MAGEB3: variants seen among roughly 807,000 people sequenced by gnomAD.
The protein encoded by MAGEB3 is melanoma-associated antigen B3.
For missense variants in MAGEB3, 191 were observed against 262.4 expected (o/e 0.73, Z 1.88); for synonymous variants, 91 against 93.0 (o/e 0.98, Z 0.12).
In MAGEB3 at chrX:30,236,869, A is replaced by G; in HGVS notation, c.945A>G (p.Glu315=). ...ATGAAGAGGCTTTGAGAGATGAGGA[A>G]GAAAGAGTCCAAGCTGCAGCTATGC... ...FWYEEALRDE[E]ERVQAAAMLN... is the part of the protein sequence containing the mutation. Residue 315 remains glutamate (E), a synonymous_variant, in exon 5 of 5, where the codon GAA becomes GAG. Transcript: ENST00000361644. The G allele has an allele frequency of 8.3e-7, 1 of 1,211,697 alleles. No individual in the cohort carries two copies. The highest frequency in any genetic ancestry group is 1.1e-6 in the Non-Finnish European group (1 of 895,271).
At position 30,236,326 on chromosome X, in the gene MAGEB3, A is replaced by G; in HGVS notation, c.402A>G (p.Lys134=). 1.7e-6 allele frequency: 2 copies of G among 1,208,268 alleles called. No individual in the cohort carries two copies. The highest frequency in any genetic ancestry group is 2.2e-6 in the Non-Finnish European group (2 of 894,666). Residue 134 remains lysine (K), a synonymous_variant, in exon 5 of 5, where the codon AAA becomes AAG. Transcript: ENST00000361644. ...ACAAGATGAAAAAGCCCATTATGAAAGCAGATATGCTAAAAATTGTCCAAA... is the reference window on the plus strand; with the variant it reads ...ACAAGATGAAAAAGCCCATTATGAAGGCAGATATGCTAAAAATTGTCCAAA... The part of the protein sequence containing the change: ...EMYKMKKPIM[K]ADMLKIVQKS...
rs1442257910 is a variant in MAGEB3 at position 30,236,069 on chromosome X, A to G, written c.145A>G (p.Thr49Ala). 2 of 1,211,218 alleles carry G rather than the reference A, an allele frequency of 1.7e-6. No individual in the cohort carries two copies. Among genetic ancestry groups the G allele is most frequent in the Admixed American group, 2.2e-5 (1 of 46,038 alleles). Residue 49 changes from threonine to alanine, a missense_variant, in exon 5 of 5, where the codon ACT (threonine) becomes GCT (alanine). By Grantham distance (58) the Thr-to-Ala change is moderately conservative. Transcript: ENST00000361644. ...TTCATCCCCTCTTATTTTGGGGGCT[A>G]CTATCCAGAAAAAGTCTGCTGGTAG... ...SFSSPLILGA[T>A]IQKKSAGRSR...
rs202246584 is a variant in MAGEB3 at position 30,236,016 on chromosome X, C to T, written c.92C>T (p.Thr31Ile). Residue 31 changes from threonine to isoleucine, a missense_variant, in exon 5 of 5, where the codon ACT (threonine) becomes ATT (isoleucine). Thr to Ile is a moderately conservative substitution (Grantham distance 89). Transcript: ENST00000361644. ...QTQDHQGAQI[T>I]ATNKKKVSFS... ...CAGGATCACCAGGGTGCTCAGATCA[C>T]TGCAACTAACAAGAAAAAAGTATCC... is the stretch of plus-strand genomic sequence containing the variant. The T allele has an allele frequency of 1.2e-4, 143 of 1,208,932 alleles. No individual in the cohort carries two copies. Among genetic ancestry groups the T allele is most frequent in the Non-Finnish European group, 1.6e-4 (139 of 894,615 alleles).
intron 1 of MAGEB3, among the ~76,000 whole-genome samples, chrX:30,231,085 G>A (rs1427079416): frequency 2.8e-5 from 3 of 108,033 alleles, no homozygotes; most frequent in Non-Finnish European, 5.8e-5. Flanking sequence ...AGGCCGAGGC[G>A]AGTGAACTGT....
At chrX:30,231,283 G>A (rs1278027238) in intron 1 of MAGEB3, among the ~76,000 whole-genome samples, 9 of 105,703 alleles carry the variant, frequency 8.5e-5, no homozygotes, top group South Asian at 4.2e-4. Context: ...ACGCCACTGC[G>A]CTCCAGCCTG....
chrX:30,234,323 C>CCG (rs1924914880), intron 4 of MAGEB3, among the ~76,000 whole-genome samples: 1 of 110,988 alleles, frequency 9.0e-6, no homozygotes, highest in Non-Finnish European at 1.9e-5. Flanking sequence ...ACAGTGAAGT[C>CCG]TCATAGAGTT....
In MAGEB3 at chrX:30,236,837, T is replaced by G; in HGVS notation, c.913T>G (p.Phe305Val). 1 of 1,211,670 alleles carries G rather than the reference T, an allele frequency of 8.3e-7. No individual in the cohort carries two copies. The highest frequency in any genetic ancestry group is 3.0e-5 in the East Asian group (1 of 33,851). The change falls in exon 5 of 5, where the codon TTC (phenylalanine) becomes GTC (valine). Residue 305 changes from phenylalanine (F) to valine (V), a missense_variant. Coordinates refer to ENST00000361644, the MANE Select transcript of MAGEB3 (RefSeq NM_002365.5). ...TAAAACTGTCCCCAGTGCGTTCCAG[T>G]TCTGGTATGAAGAGGCTTTGAGAGA... ...VNKTVPSAFQ[F>V]WYEEALRDEE...
At chrX:30,231,689 A>AAG (rs1159614122) in intron 2 of MAGEB3, 71 bp downstream of exon 2, 6 of 96,500 alleles carry the variant, frequency 6.2e-5, no homozygotes, top group Admixed American at 2.3e-4. Context: ...AAAAAAAAAA[A>AAG]AAAAAAAAAA....
At chrX:30,230,925 C>G (rs1412645982) in intron 1 of MAGEB3, 108 bp downstream of exon 1, 1 of 111,592 alleles carries the variant, frequency 9.0e-6, no homozygotes, top group East Asian at 2.8e-4. Flanking sequence ...ACTGGCTTGC[C>G]TCTCATTTCA....
rs186187688 is a variant in MAGEB3 at position 30,235,528 on chromosome X, G to C, written c.-61-336G>C. On this transcript the variant is annotated intron_variant, in intron 4 of 4. Transcript: ENST00000361644. ...AGGTGTCAAATTTAGTGCAGCACAG[G>C]GGAGAAGACCCAGCCCTGACAGTTT... 5.5e-4 allele frequency among the ~76,000 whole-genome samples: 61 copies of C among 111,217 alleles called. No homozygotes were observed. In the East Asian group the frequency reaches 0.012, roughly 22 times the overall value.
At position 30,235,758 on chromosome X, in the gene MAGEB3, A is replaced by T. The variant is rs1001404124; in HGVS notation, c.-61-106A>T. ...CAGAACAGAAGCCCTCTGGGTTTCC[A>T]GAGCAGTGCTCTCACAGAAAACTGC... On this transcript the variant is annotated intron_variant, in intron 4 of 4. Transcript: ENST00000361644. 3 of 444,412 alleles carry T rather than the reference A, an allele frequency of 6.8e-6. No homozygotes were observed. In the South Asian group the frequency reaches 1.1e-4, roughly 17 times the overall value. The allele number at this position is 444,412 out of a possible 1,213,427, so 36.6% of individuals were successfully genotyped here. A position where few individuals can be genotyped will look rare whatever the true frequency, so the allele number is the denominator to read the frequency against.
chrX:30,230,886 C>T (rs185979703), intron 1 of MAGEB3, 69 bp downstream of exon 1: 2 of 111,612 alleles, frequency 1.8e-5, no homozygotes, highest in East Asian at 5.7e-4. Context: ...ATATTTTTAA[C>T]CCTGGAAAGC....
Position 30,236,590 on chromosome X carries a change from G to A in MAGEB3, c.666G>A (p.Lys222=), listed in dbSNP as rs775847344. Residue 222 remains lysine (K), a synonymous_variant, in exon 5 of 5, where the codon AAG becomes AAA. Transcript: ENST00000361644. ...AGGGCAACTGTGCCACTGAGGAGAA[G>A]ATCTGGGAATTCCTGAATAAGATGA... ...FMKGNCATEE[K]IWEFLNKMRI... is the part of the protein sequence containing the mutation. The A allele has an allele frequency of 1.2e-5, 15 of 1,211,588 alleles. No homozygotes were observed. The South Asian group carries it at 2.1e-4, about 17-fold the overall frequency.
intron 1 of MAGEB3, 132 bp from the exon 2 acceptor site, chrX:30,231,385 G>T (rs1212379291): frequency 9.2e-6 from 1 of 108,111 alleles, no homozygotes; most frequent in Non-Finnish European, 1.9e-5. Flanking sequence ...CAGGAGAATC[G>T]CTTGAACCCG....
chrX:30,237,047 G>A lies in MAGEB3; in HGVS notation c.*82G>A. 1 of 670,999 alleles carries A rather than the reference G, an allele frequency of 1.5e-6. No individual in the cohort carries two copies. The highest frequency in any genetic ancestry group is 2.2e-6 in the Non-Finnish European group (1 of 446,207). 55.3% of individuals were successfully genotyped at this position (670,999 alleles called of 1,213,427 possible). Reference sequence around the variant, plus strand: ...GAGTGAAGGACTGGGTGTTACTGGAGGGAACACACTGTATAATACCTTTTG... The same window carrying A: ...GAGTGAAGGACTGGGTGTTACTGGAAGGAACACACTGTATAATACCTTTTG... On this transcript the variant is annotated 3_prime_UTR_variant, in exon 5 of 5. Coordinates refer to ENST00000361644, the MANE Select transcript of MAGEB3 (RefSeq NM_002365.5).
intron 2 of MAGEB3, among the ~76,000 whole-genome samples, chrX:30,232,269 C>T (rs764773307): frequency 1.8e-5 from 2 of 111,598 alleles, no homozygotes; most frequent in African/African-American, 6.5e-5. Context: ...GGAAGGCTTT[C>T]TCTAACAGGG....
Position 30,237,042 on chromosome X carries a change from C to T in MAGEB3, c.*77C>T. ...CCAAGGAGTGAAGGACTGGGTGTTA[C>T]TGGAGGGAACACACTGTATAATACC... On this transcript the variant is annotated 3_prime_UTR_variant, in exon 5 of 5. Coordinates refer to ENST00000361644, the MANE Select transcript of MAGEB3 (RefSeq NM_002365.5). 1.4e-6 allele frequency: 1 copy of T among 712,599 alleles called. No individual in the cohort carries two copies. Among genetic ancestry groups the T allele is most frequent in the Non-Finnish European group, 2.1e-6 (1 of 482,496 alleles). 58.7% of individuals were successfully genotyped at this position (712,599 alleles called of 1,213,427 possible).
chrX:30,234,622 G>T (rs2147338224), intron 4 of MAGEB3, among the ~76,000 whole-genome samples: 1 of 111,518 alleles, frequency 9.0e-6, no homozygotes, highest in African/African-American at 3.3e-5. Flanking sequence ...TACCTGGAAA[G>T]TCTCAGGGAG....
At chrX:30,231,669 CCT>C (rs1355860005) in intron 2 of MAGEB3, 51 bp downstream of exon 2, 1 of 55,582 alleles carries the variant, frequency 1.8e-5, no homozygotes, top group Non-Finnish European at 3.2e-5. Flanking sequence ...AGAGAGAGCC[CCT>C]GTCACAAAAA....
Sources: gnomAD v4.1 joint callset for allele counts (sites outside exome capture counted in the v4.1 genomes callset) on GRCh38, gnomAD v4.1.1 for gene constraint, MANE v1.5 for transcripts, NCBI Gene and HGNC (gene_info 2026-07-23, HGNC 2026-07-21) for gene names.